Variants in CTIF observed in about 807,000 individuals in gnomAD.
The protein encoded by CTIF is CBP80/20-dependent translation initiation factor.
Under a neutral mutation model 66.0 loss-of-function variants are expected in CTIF, and 21 were observed. The observed-to-expected ratio is 0.32, with a 90% CI of 0.23 to 0.46. CTIF has a LOEUF of 0.46. Ranked by LOEUF, CTIF falls within the 20% of genes least tolerant of loss-of-function variation. CTIF has a pLI of 1.00. For synonymous variants in CTIF, 345 were observed against 326.4 expected (o/e 1.06, Z -0.62); for missense variants, 739 against 812.7 (o/e 0.91, Z 1.10).
At chr18:48,730,478 C>CT (rs1372024855) in intron 7 of CTIF, among the ~76,000 whole-genome samples, 2 of 82,182 alleles carry the variant, frequency 2.4e-5, no homozygotes, top group African/African-American at 9.4e-5. Flanking sequence ...GAGGGGCTTC[C>CT]GCGGTGTGAG....
intron 10 of CTIF, among the ~76,000 whole-genome samples, chr18:48,839,561 A>C (rs1219135076): frequency 5.3e-5 from 8 of 150,884 alleles, no homozygotes; most frequent in Admixed American, 5.3e-4. Flanking sequence ...ACCACTTTAC[A>C]GGTAAGGAAA....
chr18:48,618,319 T>C (rs1429164498), intron 1 of CTIF, among the ~76,000 whole-genome samples: 1 of 152,250 alleles, frequency 6.6e-6, no homozygotes, highest in Non-Finnish European at 1.5e-5. Flanking sequence ...CTGCTCTATA[T>C]GGCTTCAGAG....
rs1434759774 is a variant in CTIF, at chr18:48,712,534, A to T, written c.584+839A>T. Among the ~76,000 whole-genome samples, 7 of 152,370 alleles carry T rather than the reference A, an allele frequency of 4.6e-5. 1 individual carries two copies. The South Asian group carries it at 1.4e-3, about 32-fold the overall frequency. On this transcript the variant is annotated intron_variant, in intron 7 of 11. Coordinates refer to ENST00000256413, the MANE Select transcript of CTIF (RefSeq NM_014772.3). ...ATGCATAAATTATTTCTGGATGGAAATACCAAAAAAAGAACGAACAAAAAG... is the reference window on the plus strand; with the variant it reads ...ATGCATAAATTATTTCTGGATGGAATTACCAAAAAAAGAACGAACAAAAAG...
At chr18:48,698,104 TAAAAAAAAAAAAAAAAAAAAAAAA>T (rs527429582) in intron 6 of CTIF, among the ~76,000 whole-genome samples, 7 of 13,070 alleles carry the variant, frequency 5.4e-4, no homozygotes, top group East Asian at 3.2e-3. Flanking sequence ...TAGCCATCAT[TAAAAAAAAAAAAAAAAAAAAAAAA>T]AAAAAAAAAA....
intron 2 of CTIF, among the ~76,000 whole-genome samples, chr18:48,623,343 T>C (rs897661357): frequency 2.6e-5 from 4 of 152,192 alleles, no homozygotes; most frequent in African/African-American, 9.7e-5. Context: ...GATGTTTCAA[T>C]CCTGCCCCTA....
At chr18:48,620,936 T>C (rs993386290) in intron 2 of CTIF, among the ~76,000 whole-genome samples, 1 of 150,990 alleles carries the variant, frequency 6.6e-6, no homozygotes, top group African/African-American at 2.4e-5. Flanking sequence ...CCATGCCCTG[T>C]CCCCACTGGG....
At chr18:48,546,182 A>C (rs1369207097) in intron 1 of CTIF, among the ~76,000 whole-genome samples, 1 of 152,148 alleles carries the variant, frequency 6.6e-6, no homozygotes, top group Non-Finnish European at 1.5e-5. Flanking sequence ...AATGCAACTT[A>C]AATAGAGTGT....
Position 48,664,514 on chromosome 18 carries a change from A to G in CTIF, c.394A>G (p.Thr132Ala), listed in dbSNP as rs772185425. ...FTQFHRKVRH[T>A]PKQPLPHIDR... ...CCAGTTCCACCGCAAAGTCCGACACACGCCCAAGCAGCCCCTGCCACACAT... is the reference window on the plus strand; with the variant it reads ...CCAGTTCCACCGCAAAGTCCGACACGCGCCCAAGCAGCCCCTGCCACACAT... The change falls in exon 5 of 12, where the codon ACG (threonine) becomes GCG (alanine). Residue 132 changes from threonine to alanine, a missense_variant. Transcript: ENST00000256413. 68 of 1,612,886 alleles carry G rather than the reference A, an allele frequency of 4.2e-5. No individual in the cohort carries two copies. Among genetic ancestry groups the G allele is most frequent in the Non-Finnish European group, 5.8e-5 (68 of 1,179,848 alleles).
chr18:48,665,705 G>T (rs1433664320), intron 5 of CTIF, among the ~76,000 whole-genome samples: 1 of 152,084 alleles, frequency 6.6e-6, no homozygotes, highest in African/African-American at 2.4e-5. Flanking sequence ...AATCTATTTT[G>T]CATACTTACA....
At chr18:48,639,927 C>T (rs1485662103) in intron 3 of CTIF, among the ~76,000 whole-genome samples, 1 of 152,170 alleles carries the variant, frequency 6.6e-6, no homozygotes, top group East Asian at 1.9e-4. Flanking sequence ...TCCTGTTGCC[C>T]CCTACTGGAG....
At chr18:48,807,125 A>C (rs2068163268) in intron 9 of CTIF, among the ~76,000 whole-genome samples, 1 of 151,936 alleles carries the variant, frequency 6.6e-6, no homozygotes. Context: ...AAAGCTGGCA[A>C]CCTATAACAT....
chr18:48,842,336 A>G (rs1476735016), intron 10 of CTIF, among the ~76,000 whole-genome samples: 1 of 152,160 alleles, frequency 6.6e-6, no homozygotes, highest in Non-Finnish European at 1.5e-5. Flanking sequence ...GCTGCCTTGA[A>G]GCCTGTGAGG....
At chr18:48,547,410 C>T (rs1030311709) in intron 1 of CTIF, among the ~76,000 whole-genome samples, 6 of 152,188 alleles carry the variant, frequency 3.9e-5, no homozygotes, top group Non-Finnish European at 4.4e-5. Flanking sequence ...TCTTCCCATG[C>T]TCAGAGTCTT....
chr18:48,558,269 T>C (rs1432836724), intron 1 of CTIF, among the ~76,000 whole-genome samples: 1 of 152,238 alleles, frequency 6.6e-6, no homozygotes, highest in African/African-American at 2.4e-5. Context: ...TACATAGAAT[T>C]TGTGATGTTC....
At chr18:48,563,875 G>A (rs2089218775) in intron 1 of CTIF, among the ~76,000 whole-genome samples, 1 of 152,184 alleles carries the variant, frequency 6.6e-6, no homozygotes, top group African/African-American at 2.4e-5. Context: ...GTCTTCCCAG[G>A]TGCTTCCCTC....
At chr18:48,786,816 C>T (rs1911751230) in intron 9 of CTIF, among the ~76,000 whole-genome samples, 1 of 151,648 alleles carries the variant, frequency 6.6e-6, no homozygotes, top group Admixed American at 6.6e-5. Flanking sequence ...GGGGTCCTTC[C>T]TCCTCTCCCA....
At chr18:48,679,358 G>A (rs1263997765) in intron 6 of CTIF, among the ~76,000 whole-genome samples, 2 of 152,206 alleles carry the variant, frequency 1.3e-5, no homozygotes, top group Non-Finnish European at 2.9e-5. Flanking sequence ...AAAACACTCT[G>A]CAGATGTGAT....
chr18:48,607,321 G>A (rs1258378549), intron 1 of CTIF, among the ~76,000 whole-genome samples: 1 of 152,180 alleles, frequency 6.6e-6, no homozygotes, highest in Non-Finnish European at 1.5e-5. Flanking sequence ...GATTCCTGTG[G>A]TTGCTGTCCA....
chr18:48,837,989 A>G (rs893756198), intron 10 of CTIF, among the ~76,000 whole-genome samples: 1 of 152,196 alleles, frequency 6.6e-6, no homozygotes, highest in East Asian at 1.9e-4. Context: ...GAACGGGGGC[A>G]CACTGAGGAA....
Sources: allele counts gnomAD v4.1 joint callset (sites outside exome capture counted in the v4.1 genomes callset), GRCh38; gene constraint gnomAD v4.1.1; transcripts MANE v1.5; gene names NCBI Gene and HGNC (gene_info 2026-07-23, HGNC 2026-07-21).